The following ACKR3 variants were observed in gnomAD, a reference collection of about 807,000 sequenced individuals.
The protein encoded by ACKR3 is atypical chemokine receptor 3, also known as C-X-C chemokine receptor type 7.
ACKR3 carries 6 observed loss-of-function variants against 22.4 expected under a neutral mutation model. The observed-to-expected ratio is 0.27, with a 90% CI of 0.15 to 0.53. ACKR3 has a LOEUF of 0.53. Among genes scored for constraint, ACKR3 ranks in the 20% least tolerant of loss-of-function variants. The probability of loss-of-function intolerance (pLI) is 0.96; values close to 1 mark genes in which losing one functional copy is unlikely to be tolerated. For missense variants in ACKR3, 396 were observed against 475.2 expected, an observed-to-expected ratio of 0.83 and a Z score of 1.55; for synonymous variants, 209 against 205.2, an observed-to-expected ratio of 1.02 and a Z score of -0.16.
At chr2:236,575,669 G>A (rs993275400) in intron 1 of ACKR3, among the ~76,000 whole-genome samples, 5 of 115,144 alleles carry the variant, frequency 4.3e-5, no homozygotes, top group Admixed American at 3.2e-4. Context: ...CTGTGTGTGC[G>A]TTTCTGGGGT....
rs562702637 is a variant in ACKR3, at chr2:236,577,494, C to A, written c.-26-2946C>A. 6.6e-6 allele frequency among the ~76,000 whole-genome samples: 1 copy of A among 152,070 alleles called. No homozygotes were observed. Among genetic ancestry groups the A allele is most frequent in the East Asian group, 1.9e-4 (1 of 5,170 alleles). ...ACTGAAGGCTGCTGGTAGCTCAAAG[C>A]GGGTGAGTGTCTATTTTGTGCTAAG... On this transcript the variant is annotated intron_variant, in intron 1 of 1. Transcript: ENST00000272928. The surrounding 1 kb of genome is among the most constrained non-coding windows in gnomAD (Gnocchi z 5.6).
chr2:236,566,973 TCCTTCCTTCCTA>T (rs1284917317), upstream of ACKR3, among the ~76,000 whole-genome samples: 137 of 151,014 alleles, frequency 9.1e-4, 2 homozygotes, highest in East Asian at 0.023. Context: ...CTTCCTTCTT[TCCTTCCTTCCTA>T]CCTTCCTTCC....
chr2:236,545,271 G>A, the ACKR3 span, among the ~76,000 whole-genome samples: 8 of 152,190 alleles, frequency 5.3e-5, no homozygotes, highest in Admixed American at 1.3e-4. The surrounding 1 kb of genome is among the most constrained non-coding windows in gnomAD (Gnocchi z 5.3). Flanking sequence ...AAGGGAGTTT[G>A]AGAGTTCGTG....
the ACKR3 span, among the ~76,000 whole-genome samples, chr2:236,543,688 G>T: frequency 6.6e-6 from 1 of 151,952 alleles, no homozygotes; most frequent in African/African-American, 2.4e-5. Flanking sequence ...ACATTTTAAT[G>T]GAGTCACTAC....
At chr2:236,566,699 C>T (rs998775473), upstream of ACKR3, among the ~76,000 whole-genome samples, 1 of 147,782 alleles carries the variant, frequency 6.8e-6, no homozygotes, top group South Asian at 2.2e-4. Flanking sequence ...GGGTCTGTCC[C>T]TCTTTCCTTC....
chr2:236,542,788 C>T, the ACKR3 span, among the ~76,000 whole-genome samples: 128 of 149,458 alleles, frequency 8.6e-4, no homozygotes, highest in East Asian at 0.012. Flanking sequence ...AATAATTATC[C>T]GACAGCATGT....
At chr2:236,546,333 C>A in the ACKR3 span, among the ~76,000 whole-genome samples, 3 of 152,190 alleles carry the variant, frequency 2.0e-5, no homozygotes, top group Admixed American at 6.5e-5. The surrounding 1 kb of genome is among the most constrained non-coding windows in gnomAD (Gnocchi z 4.9). Context: ...CACCTCTTGA[C>A]TTCAGTGATC....
chr2:236,541,910 G>T, the ACKR3 span, among the ~76,000 whole-genome samples: 4,864 of 152,196 alleles, frequency 0.032, 110 homozygotes, highest in South Asian at 0.078. Flanking sequence ...CCATGATTGT[G>T]AGGCCTCTCC....
the ACKR3 span, among the ~76,000 whole-genome samples, chr2:236,556,168 C>G: frequency 6.6e-6 from 1 of 152,078 alleles, no homozygotes; most frequent in Admixed American, 6.5e-5. Flanking sequence ...TATCAGGTCC[C>G]AGACAGGGTG....
chr2:236,544,098 T>C, the ACKR3 span, among the ~76,000 whole-genome samples: 1 of 150,650 alleles, frequency 6.6e-6, no homozygotes, highest in Non-Finnish European at 1.5e-5. This position sits in a 1 kb window ranked among gnomAD's most constrained non-coding sequence, Gnocchi z 5.0. Flanking sequence ...CAAGTGATTC[T>C]GCTGCCTCAG....
At chr2:236,537,717 G>A in the ACKR3 span, among the ~76,000 whole-genome samples, 3 of 152,172 alleles carry the variant, frequency 2.0e-5, no homozygotes, top group African/African-American at 7.2e-5. Context: ...TTACTTATGA[G>A]CCAGAATTAG....
the ACKR3 span, among the ~76,000 whole-genome samples, chr2:236,547,635 T>G: frequency 6.6e-6 from 1 of 152,234 alleles, no homozygotes; most frequent in Non-Finnish European, 1.5e-5. Context: ...ATTTTTGCAC[T>G]CATTCTTAAT....
At chr2:236,565,865 G>A (rs547655387), upstream of ACKR3, among the ~76,000 whole-genome samples, 17 of 152,252 alleles carry the variant, frequency 1.1e-4, no homozygotes, top group East Asian at 2.3e-3. Context: ...TTGGTGTTGC[G>A]GTTATTCTGG....
the ACKR3 span, among the ~76,000 whole-genome samples, chr2:236,540,103 A>G: frequency 2.6e-4 from 40 of 152,312 alleles, no homozygotes; most frequent in African/African-American, 9.6e-4. Context: ...AGGAAACTGC[A>G]AAACAGTTTT....
At chr2:236,567,153 C>T (rs1383657481), upstream of ACKR3, among the ~76,000 whole-genome samples, 1 of 152,210 alleles carries the variant, frequency 6.6e-6, no homozygotes, top group South Asian at 2.1e-4. Context: ...CGCGCGCCAC[C>T]GCGCTGGGCT....
At chr2:236,560,316 C>CTTTTTTTTTT in the ACKR3 span, among the ~76,000 whole-genome samples, 6 of 118,914 alleles carry the variant, frequency 5.0e-5, 2 homozygotes, top group Admixed American at 8.5e-5. Context: ...CACTTGTTGC[C>CTTTTTTTTTT]TTTTTTTTTT....
Position 236,582,100 on chromosome 2 carries a change from G to A in ACKR3, c.*546G>A. 6.1e-6 allele frequency: 1 copy of A among 165,068 alleles called. No individual in the cohort carries two copies. 10.2% of individuals were successfully genotyped at this position (165,068 alleles called of 1,614,324 possible). A position where few individuals can be genotyped will look rare whatever the true frequency, so the allele number is the denominator to read the frequency against. ...AATATATATAAATATATAAATATAT[G>A]CCAGTCTTGGCTGAAATGTTTTATT... On this transcript the variant is annotated 3_prime_UTR_variant, in exon 2 of 2. Transcript: ENST00000272928.
At chr2:236,575,230 A>T (rs1278173526) in intron 1 of ACKR3, among the ~76,000 whole-genome samples, 1 of 152,116 alleles carries the variant, frequency 6.6e-6, no homozygotes, top group African/African-American at 2.4e-5. Flanking sequence ...ATAGAGTAAA[A>T]ACTACAAGTC....
In ACKR3 at chr2:236,580,716, T is replaced by G. The variant is rs573798270; in HGVS notation, c.251T>G (p.Leu84Trp). The part of the protein sequence containing the change: ...TTGYDTHCYI[L>W]NLAIADLWVV... ...GGCTATGACACGCACTGCTACATCT[T>G]GAACCTGGCCATTGCCGACCTGTGG... The change falls in exon 2 of 2, where the codon TTG becomes TGG. Residue 84 changes from leucine to tryptophan, a missense_variant. Coordinates refer to ENST00000272928, the MANE Select transcript of ACKR3 (RefSeq NM_020311.3). 1 of 1,614,148 alleles carries G rather than the reference T, an allele frequency of 6.2e-7. No homozygotes were observed. Among genetic ancestry groups the G allele is most frequent in the South Asian group, 1.1e-5 (1 of 91,074 alleles).
Sources: gnomAD v4.1 joint callset for allele counts (sites outside exome capture counted in the v4.1 genomes callset) on GRCh38, gnomAD v4.1.1 for gene constraint, Gnocchi (gnomAD v3.1) non-coding constraint, MANE v1.5 for transcripts, NCBI Gene and HGNC (gene_info 2026-07-23, HGNC 2026-07-21) for gene names.